The following ZSCAN25 variants were observed in gnomAD, a reference collection of about 807,000 sequenced individuals.
ZSCAN25 encodes zinc finger and SCAN domain-containing protein 25.
ZSCAN25 carries 27 observed loss-of-function variants against 38.7 expected under a neutral mutation model. The ratio of observed to expected loss-of-function variants is 0.70; its 90% CI spans 0.51 to 0.96. ZSCAN25 has a LOEUF of 0.96. Among genes scored for constraint, ZSCAN25 ranks in the 40% least tolerant of loss-of-function variants. The pLI is 0.00. For synonymous variants in ZSCAN25, 273 were observed against 277.7 expected, an observed-to-expected ratio of 0.98 and a Z score of 0.17; for missense variants, 637 against 705.9, an observed-to-expected ratio of 0.90 and a Z score of 1.11.
chr7:99,715,344 C>A, the ZSCAN25 span: 1 of 231,328 alleles, frequency 4.3e-6, no homozygotes, highest in African/African-American at 2.3e-5. Context: ...ACATTCATGC[C>A]ACAACACAGT....
At chr7:99,650,320 C>A in the ZSCAN25 span, 57 of 1,200,766 alleles carry the variant, frequency 4.7e-5, no homozygotes, top group Admixed American at 1.1e-3. Context: ...GAACAACCCC[C>A]CTCCACCTCC....
chr7:99,646,994 G>A, the ZSCAN25 span, among the ~76,000 whole-genome samples: 3 of 152,092 alleles, frequency 2.0e-5, no homozygotes, highest in African/African-American at 4.8e-5. Context: ...TAGGATTAAT[G>A]CTAGCTTTCT....
At chr7:99,707,705 GA>G in the ZSCAN25 span, 4 of 1,539,110 alleles carry the variant, frequency 2.6e-6, no homozygotes, top group Non-Finnish European at 3.5e-6. Flanking sequence ...TTGGCCCATA[GA>G]ACAAATTATT....
the ZSCAN25 span, chr7:99,708,081 G>A: frequency 5.3e-6 from 8 of 1,508,230 alleles, no homozygotes; most frequent in East Asian, 2.3e-5. Flanking sequence ...GCAGTACACA[G>A]GATACTTTTG....
At chr7:99,635,958 A>C (rs1286762115), downstream of ZSCAN25, among the ~76,000 whole-genome samples, 3 of 151,092 alleles carry the variant, frequency 2.0e-5, no homozygotes, top group Non-Finnish European at 2.9e-5. Flanking sequence ...GAGGCAGGAG[A>C]ATGGCGTGAA....
At chr7:99,715,757 C>T in the ZSCAN25 span, 33 of 1,613,634 alleles carry the variant, frequency 2.0e-5, no homozygotes, top group Non-Finnish European at 2.8e-5. Flanking sequence ...AGTCCACATA[C>T]TTATTGAGAG....
At chr7:99,701,061 C>T in the ZSCAN25 span, among the ~76,000 whole-genome samples, 2 of 152,210 alleles carry the variant, frequency 1.3e-5, no homozygotes, top group Non-Finnish European at 2.9e-5. Context: ...TGCCTCTCAC[C>T]TATTCATTCC....
At chr7:99,715,637 A>C in the ZSCAN25 span, 1 of 1,519,208 alleles carries the variant, frequency 6.6e-7, no homozygotes, top group South Asian at 1.1e-5. Flanking sequence ...CATATCTTCA[A>C]ATGTACTACA....
chr7:99,695,600 TTGCCA>T, the ZSCAN25 span: 1 of 699,546 alleles, frequency 1.4e-6, no homozygotes, highest in African/African-American at 1.8e-5. Context: ...GGGGTAAACC[TTGCCA>T]TGCTCTGGAT....
At chr7:99,622,461 G>C in intron 5 of ZSCAN25, 88 bp from the exon 6 acceptor site, 1 of 1,210,236 alleles carries the variant, frequency 8.3e-7, no homozygotes, top group Non-Finnish European at 1.2e-6. Context: ...GAGGTTGTGA[G>C]CATCTGGTAG....
chr7:99,650,058 A>G, the ZSCAN25 span: 1 of 1,613,750 alleles, frequency 6.2e-7, no homozygotes, highest in Non-Finnish European at 8.5e-7. Flanking sequence ...TAAAACATAC[A>G]GAAAGTGTAC....
chr7:99,729,040 A>G, the ZSCAN25 span, among the ~76,000 whole-genome samples: 23,830 of 152,110 alleles, frequency 0.16, 2,429 homozygotes, highest in South Asian at 0.33. Flanking sequence ...GTATATGACA[A>G]TATAAAAAAG....
rs1363777216 is a variant in ZSCAN25, at chr7:99,632,274, A to G, written c.*2254A>G. ...AGTCTGATTTTTCATATCTATTCAA[A>G]TGTTAAGAAATATTTTGTTTTCTGT... On this transcript the variant is annotated 3_prime_UTR_variant, in exon 8 of 8. Transcript: ENST00000394152. The G allele has an allele frequency of 1.0e-6, 1 of 980,264 alleles. No homozygotes were observed. The highest frequency in any genetic ancestry group is 1.2e-6 in the Non-Finnish European group (1 of 825,286). The allele number at this position is 980,264 out of a possible 1,614,324, so 60.7% of individuals were successfully genotyped here.
the ZSCAN25 span, chr7:99,715,477 G>A: frequency 0.011 from 4,467 of 423,860 alleles, 47 homozygotes; most frequent in Non-Finnish European, 0.014. Context: ...TTTCTATGAA[G>A]TGTCCAGAAT....
At chr7:99,653,016 G>T in the ZSCAN25 span, among the ~76,000 whole-genome samples, 2 of 152,174 alleles carry the variant, frequency 1.3e-5, no homozygotes, top group Non-Finnish European at 2.9e-5. The surrounding 1 kb of genome is among the most constrained non-coding windows in gnomAD (Gnocchi z 4.2). Context: ...TCACCCCAGG[G>T]ACTGAAATCC....
At chr7:99,663,625 A>G in the ZSCAN25 span, 83 of 1,002,118 alleles carry the variant, frequency 8.3e-5, no homozygotes, top group Middle Eastern at 5.0e-4. Flanking sequence ...AATCTGTGAT[A>G]TGAGGAAAGC....
chr7:99,732,804 T>C, the ZSCAN25 span, among the ~76,000 whole-genome samples: 1 of 152,166 alleles, frequency 6.6e-6, no homozygotes, highest in Non-Finnish European at 1.5e-5. Flanking sequence ...CATATGTGCT[T>C]TCAGCTGAAA....
chr7:99,618,357 T>G (rs1298252255), intron 1 of ZSCAN25, 168 bp from the exon 2 acceptor site: 1 of 152,194 alleles, frequency 6.6e-6, no homozygotes, highest in East Asian at 1.9e-4. Context: ...CTAGTCTCTT[T>G]TTTTTCTTCT....
chr7:99,647,763 C>T, the ZSCAN25 span: 5 of 985,292 alleles, frequency 5.1e-6, no homozygotes, highest in African/African-American at 8.7e-5. Flanking sequence ...ACAGTGATTA[C>T]AATGATAAAA....
Sources: gnomAD v4.1 joint callset for allele counts (sites outside exome capture counted in the v4.1 genomes callset) on GRCh38, gnomAD v4.1.1 for gene constraint, Gnocchi (gnomAD v3.1) non-coding constraint, MANE v1.5 for transcripts, NCBI Gene and HGNC (gene_info 2026-07-23, HGNC 2026-07-21) for gene names.